The following DOCK9 variants were observed in gnomAD, a reference collection of about 807,000 sequenced individuals.
DOCK9 encodes the protein dedicator of cytokinesis 9.
In DOCK9, 89 loss-of-function variants were observed where a neutral mutation model predicts 263.3. The observed-to-expected ratio is 0.34, with a 90% CI of 0.28 to 0.40. The LOEUF (loss-of-function observed/expected upper bound fraction) is 0.40, where lower values mean the gene tolerates loss of function less well. DOCK9 is among the 10% of genes least tolerant of loss of function. The pLI is 1.00. For missense variants in DOCK9, 2,140 were observed against 2,603.4 expected, an observed-to-expected ratio of 0.82 and a Z score of 3.87; for synonymous variants, 976 against 973.1, an observed-to-expected ratio of 1.00 and a Z score of -0.06.
intron 1 of DOCK9, among the ~76,000 whole-genome samples, chr13:99,076,448 TC>T (rs1281832407): frequency 2.0e-5 from 3 of 152,186 alleles, no homozygotes; most frequent in Admixed American, 2.0e-4. Flanking sequence ...TATGCAAAGA[TC>T]CCCATACGGA....
At chr13:99,049,691 AT>A (rs979948469) in intron 1 of DOCK9, among the ~76,000 whole-genome samples, 4 of 151,978 alleles carry the variant, frequency 2.6e-5, no homozygotes, top group African/African-American at 9.7e-5. Context: ...ATTTTCTACA[AT>A]TTTTTTGTAG....
intron 2 of DOCK9, among the ~76,000 whole-genome samples, chr13:98,953,626 A>AG (rs1240337312): frequency 1.3e-5 from 2 of 152,252 alleles, no homozygotes; most frequent in Non-Finnish European, 2.9e-5. Context: ...ATTTGAGATA[A>AG]CCTTTAGCTT....
rs940183678 is a variant in DOCK9, at chr13:98,794,810, T to C, written c.6157-62A>G. The C allele has an allele frequency of 3.2e-6, 5 of 1,579,972 alleles. No individual in the cohort carries two copies. The Admixed American group carries it at 6.8e-5, about 21-fold the overall frequency. On this transcript the variant is annotated intron_variant, in intron 52 of 52. Transcript: ENST00000682017. Reference sequence around the variant, plus strand: ...CAAGGTTACCATATGCAATGCCATGTTGCCATGTGTGACACAATGTTACCA... The same window carrying C: ...CAAGGTTACCATATGCAATGCCATGCTGCCATGTGTGACACAATGTTACCA...
intron 33 of DOCK9, chr13:98,858,555 A>G (rs1348814702): frequency 6.6e-6 from 1 of 152,238 alleles, no homozygotes; most frequent in Admixed American, 6.5e-5. Flanking sequence ...CCAGAAAAAA[A>G]CTAGTAAACC....
At chr13:99,086,494 C>A in exon 1 of DOCK9, 1 of 423,220 alleles carries the variant, frequency 2.4e-6, no homozygotes, top group Non-Finnish European at 3.1e-6. Context: ...CTGCTCGCCG[C>A]GAGTCCGGCC....
At chr13:99,084,355 C>T (rs2042247252) in intron 1 of DOCK9, among the ~76,000 whole-genome samples, 1 of 152,240 alleles carries the variant, frequency 6.6e-6, no homozygotes, top group African/African-American at 2.4e-5. Context: ...CCAGAGCAGG[C>T]CCACCTGCTT....
chr13:99,013,177 C>T lies in DOCK9; in HGVS notation c.130-57626G>A, dbSNP rs937170628. On this transcript the variant is annotated intron_variant, in intron 1 of 32. Coordinates refer to the DOCK9 transcript ENST00000427887. ...GGAGTGCAGTGGTGCACTCACAGCT[C>T]ACTGTAAACTTGAACTCCTAGGCTC... 4.6e-5 allele frequency among the ~76,000 whole-genome samples: 7 copies of T among 152,224 alleles called. No individual in the cohort carries two copies. In the East Asian group the frequency reaches 1.4e-3, roughly 29 times the overall value.
At chr13:99,087,869 T>G (rs1596077834), upstream of DOCK9, 1 of 152,248 alleles carries the variant, frequency 6.6e-6, no homozygotes, top group Non-Finnish European at 1.5e-5. Flanking sequence ...AGAGTGGTGG[T>G]CTTGAAAACC....
chr13:99,005,303 A>G (rs908838941), intron 1 of DOCK9, among the ~76,000 whole-genome samples: 1 of 152,224 alleles, frequency 6.6e-6, no homozygotes, highest in Non-Finnish European at 1.5e-5. Context: ...AGATCACTTA[A>G]TTCAGCAACT....
chr13:98,846,707 C>T, intron 37 of DOCK9: 1 of 455,366 alleles, frequency 2.2e-6, no homozygotes, highest in East Asian at 6.6e-5. Context: ...AACCGTCCCC[C>T]TCACTGTGTT....
At chr13:98,924,661 A>G (rs989656503) in intron 4 of DOCK9, among the ~76,000 whole-genome samples, 1 of 152,156 alleles carries the variant, frequency 6.6e-6, no homozygotes, top group Non-Finnish European at 1.5e-5. Flanking sequence ...GCAAGATGGG[A>G]TTACTTGTTG....
intron 45 of DOCK9, among the ~76,000 whole-genome samples, chr13:98,821,539 C>T (rs1310020608): frequency 2.6e-5 from 4 of 152,180 alleles, no homozygotes. Context: ...CCTTCCAGGA[C>T]CTTGGTACTG....
intron 37 of DOCK9, chr13:98,846,429 TA>T (rs3842311): frequency 0.13 from 141,161 of 1,074,840 alleles, 9,263 homozygotes; most frequent in South Asian, 0.19. Flanking sequence ...AAAAGACATG[TA>T]TTTTTTTTAA....
intron 7 of DOCK9, among the ~76,000 whole-genome samples, chr13:98,920,662 C>T (rs529882884): frequency 4.6e-5 from 7 of 152,204 alleles, no homozygotes; most frequent in East Asian, 3.9e-4. Flanking sequence ...ACTCATTTGC[C>T]GTATTAAAGA....
intron 41 of DOCK9, among the ~76,000 whole-genome samples, chr13:98,830,289 C>T (rs970769081): frequency 2.6e-5 from 4 of 152,168 alleles, no homozygotes; most frequent in African/African-American, 9.7e-5. Context: ...CCTTTTCCTT[C>T]ACCACACCCA....
intron 2 of DOCK9, among the ~76,000 whole-genome samples, chr13:98,942,229 TTTG>T (rs1384404787): frequency 5.5e-5 from 7 of 127,760 alleles, no homozygotes; most frequent in Non-Finnish European, 7.9e-5. Flanking sequence ...TGTTTTTTTT[TTTG>T]TTGTTTTTTT....
intron 1 of DOCK9, among the ~76,000 whole-genome samples, chr13:99,023,688 A>G (rs1393984558): frequency 6.6e-6 from 1 of 152,216 alleles, no homozygotes; most frequent in Non-Finnish European, 1.5e-5. Context: ...CTTGTTGGGC[A>G]TTGTTTTCCT....
chr13:98,975,510 A>AC (rs2060185358), intron 1 of DOCK9, among the ~76,000 whole-genome samples: 2 of 106,110 alleles, frequency 1.9e-5, no homozygotes, highest in Admixed American at 8.9e-5. Flanking sequence ...CACACACACA[A>AC]GTTATACTGT....
intron 1 of DOCK9, among the ~76,000 whole-genome samples, chr13:99,025,762 T>G (rs1886633147): frequency 6.6e-6 from 1 of 152,258 alleles, no homozygotes; most frequent in Admixed American, 6.5e-5. Flanking sequence ...TTAGCAGCAC[T>G]GTTCATAATA....
Sources: allele counts gnomAD v4.1 joint callset (sites outside exome capture counted in the v4.1 genomes callset), GRCh38; gene constraint gnomAD v4.1.1; transcripts MANE v1.5; gene names NCBI Gene and HGNC (gene_info 2026-07-23, HGNC 2026-07-21).